Variants in ANTXR1 observed in about 807,000 individuals in gnomAD.
ANTXR1 encodes the protein ANTXR cell adhesion molecule 1, also known as anthrax toxin receptor 1.
ANTXR1 carries 19 observed loss-of-function variants against 78.1 expected under a neutral mutation model. The observed-to-expected ratio is 0.24, with a 90% CI of 0.17 to 0.36. The LOEUF (loss-of-function observed/expected upper bound fraction) is 0.36. Among genes scored for constraint, ANTXR1 ranks in the 10% least tolerant of loss-of-function variants. ANTXR1 has a pLI of 1.00. For synonymous variants in ANTXR1, 273 were observed against 260.5 expected, an observed-to-expected ratio of 1.05 and a Z score of -0.46; for missense variants, 518 against 718.6, an observed-to-expected ratio of 0.72 and a Z score of 3.19.
chr2:69,096,312 G>C, intron 9 of ANTXR1, among the ~76,000 whole-genome samples: 1 of 4,724 alleles, frequency 2.1e-4, no homozygotes, highest in Admixed American at 1.9e-3. Flanking sequence ...AAGGGAGGAA[G>C]GGAGGAAGGG....
At chr2:69,066,824 T>C (rs986979720) in intron 3 of ANTXR1, among the ~76,000 whole-genome samples, 1 of 152,210 alleles carries the variant, frequency 6.6e-6, no homozygotes, top group Non-Finnish European at 1.5e-5. Context: ...AACCCTTAGC[T>C]TCTAAGTAGG....
chr2:69,172,589 G>A (rs1674019532), intron 14 of ANTXR1: 3 of 1,245,356 alleles, frequency 2.4e-6, no homozygotes, highest in Non-Finnish European at 2.0e-6. Flanking sequence ...AAGACCTTCA[G>A]TATTATTTAT....
At chr2:69,172,877 CA>C (rs1368241189) in intron 14 of ANTXR1, among the ~76,000 whole-genome samples, 3 of 152,178 alleles carry the variant, frequency 2.0e-5, no homozygotes, top group African/African-American at 7.2e-5. Context: ...CTAAGAGGGA[CA>C]TTTCCTGGGT....
chr2:69,070,753 C>T (rs748879629), intron 4 of ANTXR1, 25 bp downstream of exon 4: 1 of 1,601,144 alleles, frequency 6.2e-7, no homozygotes, highest in Non-Finnish European at 8.6e-7. Context: ...GTTTGAAATC[C>T]AAATATAAAG....
chr2:69,086,500 T>C (rs1052174377), intron 8 of ANTXR1, among the ~76,000 whole-genome samples: 3 of 152,234 alleles, frequency 2.0e-5, no homozygotes, highest in African/African-American at 7.2e-5. Flanking sequence ...AAACAACACA[T>C]GACAATTATT....
At chr2:69,123,733 A>C (rs1342968472) in intron 11 of ANTXR1, among the ~76,000 whole-genome samples, 2 of 152,356 alleles carry the variant, frequency 1.3e-5, no homozygotes, top group African/African-American at 4.8e-5. Context: ...GATCAAAACC[A>C]TCAACAGAAG....
intron 17 of ANTXR1, among the ~76,000 whole-genome samples, chr2:69,218,911 CGACTTTGGTCTGA>C (rs1675246087): frequency 2.0e-5 from 3 of 152,122 alleles, no homozygotes; most frequent in Non-Finnish European, 4.4e-5. Flanking sequence ...AAGGCCGGAG[CGACTTTGGTCTGA>C]AAGGCCCAGG....
At chr2:69,169,807 G>T (rs1673929674) in intron 13 of ANTXR1, among the ~76,000 whole-genome samples, 1 of 152,238 alleles carries the variant, frequency 6.6e-6, no homozygotes, top group Admixed American at 6.5e-5. Flanking sequence ...GCCCGCGTGG[G>T]GTCCACGCTT....
intron 2 of ANTXR1, among the ~76,000 whole-genome samples, chr2:69,042,044 T>G (rs900467562): frequency 1.3e-4 from 20 of 152,166 alleles, no homozygotes; most frequent in African/African-American, 4.3e-4. Context: ...AATAAGTGAA[T>G]GAATGGGCAA....
intron 8 of ANTXR1, among the ~76,000 whole-genome samples, chr2:69,082,206 C>A (rs1345098976): frequency 6.6e-6 from 1 of 152,152 alleles, no homozygotes; most frequent in Non-Finnish European, 1.5e-5. Flanking sequence ...CAGGTAGAGA[C>A]CACCTCCAGA....
intron 12 of ANTXR1, among the ~76,000 whole-genome samples, chr2:69,144,301 A>G (rs1428797031): frequency 6.6e-6 from 1 of 152,208 alleles, no homozygotes; most frequent in African/African-American, 2.4e-5. Flanking sequence ...TCCTTGGAGC[A>G]GAGTGAAGTG....
intron 13 of ANTXR1, among the ~76,000 whole-genome samples, chr2:69,155,745 C>A (rs977312127): frequency 6.6e-6 from 1 of 152,176 alleles, no homozygotes; most frequent in Non-Finnish European, 1.5e-5. Context: ...TCTCCCCTCA[C>A]CCCAGCCAAG....
chr2:69,037,643 T>A (rs1408639934), intron 1 of ANTXR1, among the ~76,000 whole-genome samples: 1 of 152,088 alleles, frequency 6.6e-6, no homozygotes, highest in Non-Finnish European at 1.5e-5. Flanking sequence ...CTAATTTTTG[T>A]ATTTTTAGTA....
intron 9 of ANTXR1, among the ~76,000 whole-genome samples, chr2:69,101,609 G>C (rs1671622641): frequency 6.6e-6 from 1 of 152,198 alleles, no homozygotes; most frequent in African/African-American, 2.4e-5. Flanking sequence ...AGTTTCCTGG[G>C]ACTGAAGGTG....
At chr2:69,075,409 A>G (rs1670698733) in intron 6 of ANTXR1, among the ~76,000 whole-genome samples, 181 bp from the exon 7 acceptor site, 1 of 152,184 alleles carries the variant, frequency 6.6e-6, no homozygotes, top group African/African-American at 2.4e-5. Context: ...GTGTTATGTT[A>G]GAATGTGATG....
intron 10 of ANTXR1, among the ~76,000 whole-genome samples, chr2:69,121,015 G>T (rs1049161479): frequency 1.3e-5 from 2 of 152,068 alleles, no homozygotes; most frequent in African/African-American, 4.8e-5. Flanking sequence ...CGGGATCTTT[G>T]CAGTGCCTCC....
intron 13 of ANTXR1, among the ~76,000 whole-genome samples, chr2:69,158,940 T>A (rs1287111759): frequency 1.3e-5 from 2 of 152,190 alleles, no homozygotes; most frequent in Non-Finnish European, 2.9e-5. Context: ...CAGAAACTAA[T>A]CCCAAAATAT....
intron 17 of ANTXR1, among the ~76,000 whole-genome samples, chr2:69,194,890 C>T (rs1674632077): frequency 6.6e-6 from 1 of 150,460 alleles, no homozygotes; most frequent in Non-Finnish European, 1.5e-5. Flanking sequence ...AATGCTCGGG[C>T]CGGGCGTGGT....
At chr2:69,139,529 C>G (rs553883706) in intron 12 of ANTXR1, among the ~76,000 whole-genome samples, 1 of 152,286 alleles carries the variant, frequency 6.6e-6, no homozygotes, top group Non-Finnish European at 1.5e-5. Context: ...TATTGACACC[C>G]TATTACACAG....
Sources: gnomAD v4.1 joint callset for allele counts (sites outside exome capture counted in the v4.1 genomes callset) on GRCh38, gnomAD v4.1.1 for gene constraint, MANE v1.5 for transcripts, NCBI Gene and HGNC (gene_info 2026-07-23, HGNC 2026-07-21) for gene names.